Variants in DIAPH2 observed in about 807,000 individuals in gnomAD.
DIAPH2 encodes protein diaphanous homolog 2.
A neutral mutation model predicts 92.7 loss-of-function variants in DIAPH2; 35 were observed. The observed-to-expected ratio is 0.38, with a 90% CI of 0.29 to 0.50. DIAPH2 has a LOEUF of 0.50. Ranked by LOEUF, DIAPH2 falls within the 20% of genes least tolerant of loss-of-function variation. DIAPH2 has a pLI of 0.94. For missense variants in DIAPH2, 701 were observed against 819.5 expected (o/e 0.86, Z 1.77); for synonymous variants, 301 against 280.4 (o/e 1.07, Z -0.73).
chrX:97,040,729 GTAA>G (rs971313783), intron 17 of DIAPH2, among the ~76,000 whole-genome samples: 8 of 109,466 alleles, frequency 7.3e-5, no homozygotes, highest in East Asian at 2.8e-4. Context: ...AAAAATAATA[GTAA>G]TAATAATAAT....
chrX:97,133,182 C>G (rs2067149113), intron 21 of DIAPH2, among the ~76,000 whole-genome samples: 2 of 112,691 alleles, frequency 1.8e-5, no homozygotes, highest in South Asian at 3.7e-4. Flanking sequence ...GTTTTTGTCT[C>G]AGAGCAGTTT....
At chrX:97,472,703 T>C (rs372960620) in intron 26 of DIAPH2, among the ~76,000 whole-genome samples, 1 of 112,452 alleles carries the variant, frequency 8.9e-6, no homozygotes, top group African/African-American at 3.2e-5. Flanking sequence ...TCCTGTATTA[T>C]AATTGCTTGC....
Position 97,472,005 on chromosome X carries a change from C to T in DIAPH2, c.3241+42260C>T, listed in dbSNP as rs754718811. Among the ~76,000 whole-genome samples the T allele has an allele frequency of 6.3e-5, 7 of 111,997 alleles. No homozygotes were observed. The South Asian group carries it at 2.6e-3, about 42-fold the overall frequency. On this transcript the variant is annotated intron_variant, in intron 26 of 26. Coordinates refer to ENST00000324765, the MANE Select transcript of DIAPH2 (RefSeq NM_006729.5). Reference sequence around the variant, plus strand: ...CAATGTTCCCTTTCACTTAGGGGCTCATGCAAAAGATTTATGATTTCCTTC... The same window carrying T: ...CAATGTTCCCTTTCACTTAGGGGCTTATGCAAAAGATTTATGATTTCCTTC...
chrX:96,856,921 C>T (rs2065044082), intron 4 of DIAPH2, among the ~76,000 whole-genome samples: 2 of 110,047 alleles, frequency 1.8e-5, no homozygotes, highest in South Asian at 7.9e-4. Flanking sequence ...CACCTGTAAT[C>T]CCAGCTACTC....
chrX:97,560,620 G>A (rs1047558295), intron 26 of DIAPH2, among the ~76,000 whole-genome samples: 1 of 111,591 alleles, frequency 9.0e-6, no homozygotes, highest in African/African-American at 3.3e-5. Flanking sequence ...AGCCTCCTGA[G>A]TAGCTGGGAT....
intron 4 of DIAPH2, among the ~76,000 whole-genome samples, chrX:96,772,876 G>A (rs2064348204): frequency 8.9e-6 from 1 of 112,498 alleles, no homozygotes; most frequent in Non-Finnish European, 1.9e-5. Flanking sequence ...TCTTGTGCTT[G>A]GAGAACATAA....
chrX:97,475,495 C>A (rs1046021910), intron 26 of DIAPH2, among the ~76,000 whole-genome samples: 8 of 111,831 alleles, frequency 7.2e-5, no homozygotes, highest in African/African-American at 2.6e-4. Context: ...CAGACAAGGC[C>A]TGCTGCATCC....
intron 4 of DIAPH2, among the ~76,000 whole-genome samples, chrX:96,880,047 C>T (rs1306909564): frequency 1.8e-5 from 2 of 111,837 alleles, no homozygotes; most frequent in Non-Finnish European, 3.8e-5. Context: ...ATATTTTTAA[C>T]GTCTACTGTG....
intron 26 of DIAPH2, among the ~76,000 whole-genome samples, chrX:97,544,229 G>A (rs1024552565): frequency 1.8e-5 from 2 of 111,755 alleles, no homozygotes; most frequent in Admixed American, 1.9e-4. Context: ...GACTGGTAAG[G>A]CTTATTTAAA....
At chrX:97,362,874 C>T (rs1364473396) in intron 24 of DIAPH2, among the ~76,000 whole-genome samples, 2 of 112,430 alleles carry the variant, frequency 1.8e-5, no homozygotes, top group Non-Finnish European at 3.8e-5. Context: ...TATAAAGTTC[C>T]ATTGTGCAAT....
intron 4 of DIAPH2, among the ~76,000 whole-genome samples, chrX:96,810,497 T>G (rs953914677): frequency 2.7e-5 from 3 of 111,944 alleles, no homozygotes; most frequent in Non-Finnish European, 5.6e-5. Context: ...GAGTTTCTTT[T>G]GCTGTGCAGA....
intron 26 of DIAPH2, chrX:97,469,550 A>G: frequency 4.4e-6 from 2 of 454,930 alleles, no homozygotes; most frequent in East Asian, 4.1e-5. Context: ...TGAACTTCTC[A>G]TTTTAAGTTA....
chrX:96,835,963 G>A (rs2064883449), intron 4 of DIAPH2, among the ~76,000 whole-genome samples: 1 of 110,414 alleles, frequency 9.1e-6, no homozygotes, highest in Non-Finnish European at 1.9e-5. Context: ...ATAGATGCAC[G>A]CCACCACAGC....
chrX:96,737,082 A>G (rs1478787996), intron 2 of DIAPH2, among the ~76,000 whole-genome samples: 2 of 112,150 alleles, frequency 1.8e-5, no homozygotes, highest in Non-Finnish European at 1.9e-5. Flanking sequence ...ATTAGAAGAA[A>G]TGAATCTTAA....
intron 17 of DIAPH2, among the ~76,000 whole-genome samples, chrX:97,065,865 ATG>A (rs1406442346): frequency 9.0e-6 from 1 of 111,422 alleles, no homozygotes; most frequent in African/African-American, 3.3e-5. Flanking sequence ...GCCTAGGCTA[ATG>A]TGTGTGTTTG....
intron 23 of DIAPH2, among the ~76,000 whole-genome samples, chrX:97,315,905 T>C (rs753546259): frequency 3.6e-5 from 4 of 111,846 alleles, no homozygotes; most frequent in Non-Finnish European, 5.6e-5. Flanking sequence ...TGAGTTCTAT[T>C]AAACTATTTT....
intron 25 of DIAPH2, among the ~76,000 whole-genome samples, chrX:97,422,802 T>C (rs2070022485): frequency 2.7e-5 from 3 of 111,642 alleles, no homozygotes; most frequent in African/African-American, 9.8e-5. Context: ...TAATAATGTT[T>C]GATAAAAAGG....
chrX:97,060,279 A>G (rs768651479), intron 17 of DIAPH2, among the ~76,000 whole-genome samples: 151 of 112,593 alleles, frequency 1.3e-3, no homozygotes, highest in Non-Finnish European at 2.7e-3. Context: ...ATAGTTTGCT[A>G]GGAAAAAGAG....
intron 19 of DIAPH2, among the ~76,000 whole-genome samples, chrX:97,098,971 A>G (rs1310090697): frequency 8.9e-6 from 1 of 112,280 alleles, no homozygotes; most frequent in African/African-American, 3.2e-5. Flanking sequence ...AAATATAGAC[A>G]TTGTAGATAA....
Sources: gnomAD v4.1 joint callset for allele counts (sites outside exome capture counted in the v4.1 genomes callset) on GRCh38, gnomAD v4.1.1 for gene constraint, MANE v1.5 for transcripts, NCBI Gene and HGNC (gene_info 2026-07-23, HGNC 2026-07-21) for gene names.